NCOR2: variants seen among roughly 807,000 people sequenced by gnomAD.
The protein encoded by NCOR2 is nuclear receptor corepressor 2, also known as CTG repeat protein 26.
A neutral mutation model predicts 262.9 loss-of-function variants in NCOR2; 81 were observed. The ratio of observed to expected loss-of-function variants is 0.31; its 90% confidence interval spans 0.26 to 0.37. NCOR2 has a LOEUF of 0.37. Among genes scored for constraint, NCOR2 ranks in the 10% least tolerant of loss-of-function variants. The pLI, the probability that NCOR2 is intolerant of heterozygous loss-of-function variation, is 1.00. For synonymous variants in NCOR2, 1,659 were observed against 1,559.3 expected (o/e 1.06, Z -1.51); for missense variants, 3,385 against 3,621.4 (o/e 0.93, Z 1.68).
At chr12:124,369,114 T>C (rs989128008) in intron 20 of NCOR2, among the ~76,000 whole-genome samples, 2 of 152,066 alleles carry the variant, frequency 1.3e-5, no homozygotes, top group Non-Finnish European at 2.9e-5. Context: ...ACGCCCACCT[T>C]ACAGATGAGA....
intron 4 of NCOR2, among the ~76,000 whole-genome samples, chr12:124,469,131 C>A (rs2046699135): frequency 6.6e-6 from 1 of 152,020 alleles, no homozygotes; most frequent in Non-Finnish European, 1.5e-5. Context: ...AGGGCACTGG[C>A]CCAAGGTCAG....
chr12:124,437,504 C>A (rs553744884), intron 8 of NCOR2, among the ~76,000 whole-genome samples: 1 of 152,322 alleles, frequency 6.6e-6, no homozygotes, highest in African/African-American at 2.4e-5. Flanking sequence ...TGAGCCTGGA[C>A]CTGGGCCCAG....
intron 19 of NCOR2, 133 bp downstream of exon 21, chr12:124,374,280 G>A (rs760332881): frequency 1.5e-5 from 13 of 882,770 alleles, no homozygotes; most frequent in South Asian, 3.2e-5. Context: ...CCCAGAGGCC[G>A]CGGAGCACAA....
exon 20 of NCOR2, chr12:124,372,309 C>A: frequency 6.5e-7 from 1 of 1,530,202 alleles, no homozygotes; most frequent in Non-Finnish European, 8.8e-7. Flanking sequence ...TCTGCTCCTC[C>A]CCCTCCTCCA....
intron 12 of NCOR2, among the ~76,000 whole-genome samples, 195 bp from the exon 15 acceptor site, chr12:124,420,250 G>A (rs1184398134): frequency 6.6e-6 from 1 of 152,210 alleles, no homozygotes; most frequent in African/African-American, 2.4e-5. Context: ...TACTTCACAG[G>A]ATTATCACAA....
chr12:124,461,144 C>A (rs145951500), intron 5 of NCOR2, among the ~76,000 whole-genome samples: 6 of 152,262 alleles, frequency 3.9e-5, no homozygotes, highest in African/African-American at 1.2e-4. Flanking sequence ...GGGAAACAGG[C>A]CTTTCTCAAT....
exon 36 of NCOR2, chr12:124,340,420 G>C: frequency 6.2e-7 from 1 of 1,612,916 alleles, no homozygotes; most frequent in Non-Finnish European, 8.5e-7. Context: ...GTGGTGGTTG[G>C]TTTTGTCAAG....
At chr12:124,350,597 C>A in exon 28 of NCOR2, 1 of 1,613,674 alleles carries the variant, frequency 6.2e-7, no homozygotes, top group Non-Finnish European at 8.5e-7. Flanking sequence ...CCTCATAGGA[C>A]AAGACGTGGC....
At chr12:124,489,765 T>C (rs1452567005) in intron 1 of NCOR2, among the ~76,000 whole-genome samples, 1 of 152,104 alleles carries the variant, frequency 6.6e-6, no homozygotes, top group Non-Finnish European at 1.5e-5. Context: ...GAATCCCAGC[T>C]GGTGCCTTCT....
chr12:124,423,645 C>A (rs550124399), intron 11 of NCOR2, among the ~76,000 whole-genome samples: 19 of 152,334 alleles, frequency 1.2e-4, no homozygotes, highest in African/African-American at 4.6e-4. Context: ...CGCTCCCTCT[C>A]CTTGTCCCAG....
intron 1 of NCOR2, among the ~76,000 whole-genome samples, chr12:124,494,711 A>G (rs2048285838): frequency 6.6e-6 from 1 of 152,138 alleles, no homozygotes. Context: ...AGGTGAATAC[A>G]CACGGAACGG....
chr12:124,365,749 C>T (rs1161983191), intron 20 of NCOR2, among the ~76,000 whole-genome samples: 3 of 151,852 alleles, frequency 2.0e-5, no homozygotes, highest in Non-Finnish European at 2.9e-5. Context: ...CTGTCCAGAC[C>T]CTGCTTGATC....
At chr12:124,539,852 TCACCCCAGC>T (rs2051236069), upstream of NCOR2, among the ~76,000 whole-genome samples, 1 of 151,916 alleles carries the variant, frequency 6.6e-6, no homozygotes, top group African/African-American at 2.4e-5. The surrounding 1 kb of genome is among the most constrained non-coding windows in gnomAD (Gnocchi z 5.1). Context: ...CCCGCCTGGC[TCACCCCAGC>T]CACAAAGGCC....
intron 7 of NCOR2, among the ~76,000 whole-genome samples, chr12:124,444,180 A>T (rs1415919182): frequency 6.6e-6 from 1 of 152,144 alleles, no homozygotes; most frequent in Non-Finnish European, 1.5e-5. Flanking sequence ...CTTACTGCAG[A>T]CAAATCTTTT....
At chr12:124,534,807 C>T (rs1401331359) in intron 1 of NCOR2, among the ~76,000 whole-genome samples, 1 of 152,166 alleles carries the variant, frequency 6.6e-6, no homozygotes, top group Non-Finnish European at 1.5e-5. Flanking sequence ...CCTCAGTTTC[C>T]CCACTTGTAA....
At position 124,353,870 on chromosome 12, in the gene NCOR2, C is replaced by T. The variant is rs1020625239; in HGVS notation, c.3693+223G>A. ...CTTATTTACCCTGGTCTGTTTCCTT[C>T]CACTACATGGCAGCTCCCTGAAGGC... is the stretch of plus-strand genomic sequence containing the variant. On this transcript the variant is annotated intron_variant, in intron 27 of 46. Coordinates refer to ENST00000405201, the Ensembl canonical transcript of NCOR2. 2.6e-5 allele frequency among the ~76,000 whole-genome samples: 4 copies of T among 152,240 alleles called. No homozygotes were observed. The East Asian group carries it at 7.7e-4, about 29-fold the overall frequency.
Position 124,548,894 on chromosome 12 carries a change from T to C in NCOR2, c.-164-13283A>G, listed in dbSNP as rs1391762227. 6.6e-6 allele frequency among the ~76,000 whole-genome samples: 1 copy of C among 152,182 alleles called. No homozygotes were observed. The highest frequency in any genetic ancestry group is 1.5e-5 in the Non-Finnish European group (1 of 68,044). Reference sequence around the variant, plus strand: ...CCAGCACTGCAGGGCTCTGATCTGCTTTCTCGCGAATCCACGCTTACTCAT... The same window carrying C: ...CCAGCACTGCAGGGCTCTGATCTGCCTTCTCGCGAATCCACGCTTACTCAT... On this transcript the variant is annotated intron_variant, in intron 1 of 32. Transcript: ENST00000458234. This position sits in a 1 kb window ranked among gnomAD's most constrained non-coding sequence, Gnocchi z 5.1.
chr12:124,419,179 T>C lies in NCOR2; in HGVS notation c.1482+778A>G, dbSNP rs554002517. Among the ~76,000 whole-genome samples, 6 of 152,242 alleles carry C rather than the reference T, an allele frequency of 3.9e-5. No individual in the cohort carries two copies. The South Asian group carries it at 1.2e-3, about 32-fold the overall frequency. On this transcript the variant is annotated intron_variant, in intron 13 of 46. Transcript: ENST00000405201. Reference sequence around the variant, plus strand: ...TGAGCCTCTCATCTCTACCATTATTTACTGGATATTTTTTCAAACCAACTC... The same window carrying C: ...TGAGCCTCTCATCTCTACCATTATTCACTGGATATTTTTTCAAACCAACTC...
intron 13 of NCOR2, among the ~76,000 whole-genome samples, chr12:124,402,914 T>C (rs1307921775): frequency 1.3e-5 from 2 of 152,020 alleles, no homozygotes; most frequent in Non-Finnish European, 2.9e-5. Context: ...GCCTTGACAA[T>C]GGGGGTATTC....
Sources: allele counts gnomAD v4.1 joint callset (sites outside exome capture counted in the v4.1 genomes callset), GRCh38; gene constraint gnomAD v4.1.1; non-coding constraint Gnocchi (gnomAD v3.1); transcripts MANE v1.5; gene names NCBI Gene and HGNC (gene_info 2026-07-23, HGNC 2026-07-21).